The following TRHDE variants were observed in gnomAD, a reference collection of about 807,000 sequenced individuals.
The protein encoded by TRHDE is thyrotropin releasing hormone degrading enzyme.
Under a neutral mutation model 125.7 loss-of-function variants are expected in TRHDE, and 72 were observed. That is an observed-to-expected ratio of 0.57 (90% CI 0.47 to 0.70). The LOEUF is 0.70. TRHDE is among the 30% of genes least tolerant of loss of function. TRHDE has a pLI of 0.00. For synonymous variants in TRHDE, 509 were observed against 509.1 expected, an observed-to-expected ratio of 1.00 and a Z score of 0.00; for missense variants, 1,110 against 1,327.1, an observed-to-expected ratio of 0.84 and a Z score of 2.54.
intron 2 of TRHDE, among the ~76,000 whole-genome samples, chr12:72,304,956 T>C (rs1868318020): frequency 6.6e-6 from 1 of 152,150 alleles, no homozygotes; most frequent in South Asian, 2.1e-4. Context: ...TTGGTCTTAA[T>C]GTCCCACGTG....
At chr12:72,379,729 G>A (rs539182503) in intron 3 of TRHDE, among the ~76,000 whole-genome samples, 60 of 152,280 alleles carry the variant, frequency 3.9e-4, no homozygotes, top group African/African-American at 1.3e-3. Context: ...ATTGAACCAC[G>A]CAGCCTTTCA....
intron 2 of TRHDE, among the ~76,000 whole-genome samples, chr12:72,240,382 T>C (rs1878453570): frequency 6.7e-6 from 1 of 149,734 alleles, no homozygotes. Context: ...TATATGTAAA[T>C]CAAATGACAT....
In TRHDE at chr12:72,142,066, C is replaced by A. The variant is rs375139968; in HGVS notation, n.279+36314C>A. 8.7e-5 allele frequency among the ~76,000 whole-genome samples: 13 copies of A among 149,114 alleles called. No individual in the cohort carries two copies. The South Asian group carries it at 1.1e-3, about 12-fold the overall frequency. On this transcript the variant is annotated intron_variant and non_coding_transcript_variant, in intron 2 of 4. Transcript: ENST00000548156. Reference sequence around the variant, plus strand: ...GGCAAAGTATGATCTTCTGGGTATGCTCCACCAGAAAAAAAAAAAAAAGAA... The same window carrying A: ...GGCAAAGTATGATCTTCTGGGTATGATCCACCAGAAAAAAAAAAAAAAGAA...
chr12:72,110,220 C>T (rs760897012), intron 2 of TRHDE, among the ~76,000 whole-genome samples: 5 of 152,028 alleles, frequency 3.3e-5, no homozygotes, highest in Non-Finnish European at 5.9e-5. Flanking sequence ...TTTTACTAAA[C>T]TTTTGTGTAA....
intron 2 of TRHDE, chr12:72,306,615 A>T (rs111831554): frequency 6.6e-6 from 1 of 152,144 alleles, no homozygotes; most frequent in African/African-American, 2.4e-5. Context: ...CAGTCATGTA[A>T]TGATGTTCTT....
intron 2 of TRHDE, among the ~76,000 whole-genome samples, chr12:72,367,130 A>G (rs1475827648): frequency 6.6e-6 from 1 of 152,090 alleles, no homozygotes; most frequent in East Asian, 1.9e-4. Flanking sequence ...CCTCCTTCTC[A>G]GAATGAGTTC....
At chr12:72,598,737 C>CT (rs901889076) in intron 12 of TRHDE, among the ~76,000 whole-genome samples, 2 of 151,780 alleles carry the variant, frequency 1.3e-5, no homozygotes, top group Admixed American at 6.6e-5. Context: ...TAAATTTCAA[C>CT]TTTTTTTTAG....
chr12:72,160,442 C>T (rs545362978), intron 2 of TRHDE, among the ~76,000 whole-genome samples: 11 of 152,178 alleles, frequency 7.2e-5, no homozygotes, highest in African/African-American at 2.2e-4. Flanking sequence ...CCCAACACTT[C>T]GGGAGGCCAA....
chr12:72,443,765 A>T (rs1490313977), intron 3 of TRHDE, among the ~76,000 whole-genome samples: 1 of 151,804 alleles, frequency 6.6e-6, no homozygotes, highest in Non-Finnish European at 1.5e-5. Context: ...TAGGTAAAGG[A>T]GCTATTCACT....
At chr12:72,433,746 C>CT (rs35623228) in intron 3 of TRHDE, among the ~76,000 whole-genome samples, 32,983 of 145,774 alleles carry the variant, frequency 0.23, 3,940 homozygotes, top group East Asian at 0.49. Flanking sequence ...GACAAATAAA[C>CT]TTTTTTTTTT....
chr12:72,311,613 C>T (rs1322350167), intron 2 of TRHDE, among the ~76,000 whole-genome samples: 10 of 152,108 alleles, frequency 6.6e-5, no homozygotes, highest in Admixed American at 1.3e-4. Context: ...ATAGCTTTAC[C>T]TACTGTCAGG....
At chr12:72,628,615 C>A (rs1873356517) in intron 15 of TRHDE, among the ~76,000 whole-genome samples, 1 of 151,862 alleles carries the variant, frequency 6.6e-6, no homozygotes, top group Non-Finnish European at 1.5e-5. Flanking sequence ...TTTAGAGGAT[C>A]TCTATTCTAA....
chr12:72,523,781 C>A (rs1321735449), intron 6 of TRHDE, among the ~76,000 whole-genome samples: 1 of 152,090 alleles, frequency 6.6e-6, no homozygotes, highest in Non-Finnish European at 1.5e-5. Context: ...AAAACTTGGG[C>A]TGATTCTGCT....
In TRHDE at chr12:72,172,841, A is replaced by G. The variant is rs982931742; in HGVS notation, n.279+67089A>G. 7.2e-5 allele frequency among the ~76,000 whole-genome samples: 11 copies of G among 152,344 alleles called. No individual in the cohort carries two copies. The South Asian group carries it at 1.0e-3, about 14-fold the overall frequency. On this transcript the variant is annotated intron_variant and non_coding_transcript_variant, in intron 2 of 4. Coordinates refer to the TRHDE transcript ENST00000548156. ...AAAGATGCATAGTATAAATTAGCTT[A>G]TTACCAGAACCTGTTTAATGTTGGT...
chr12:72,612,065 T>G (rs1437607773), intron 12 of TRHDE, among the ~76,000 whole-genome samples: 5 of 152,186 alleles, frequency 3.3e-5, no homozygotes, highest in Non-Finnish European at 7.4e-5. Context: ...CTCAGCTAAC[T>G]CCACTGCAGC....
intron 12 of TRHDE, among the ~76,000 whole-genome samples, chr12:72,581,801 C>T (rs1375463526): frequency 1.3e-5 from 2 of 151,624 alleles, no homozygotes; most frequent in Non-Finnish European, 2.9e-5. Context: ...TATGTTTGTC[C>T]CTCTTAGAAG....
chr12:72,279,871 G>A (rs1255448977), intron 1 of TRHDE, among the ~76,000 whole-genome samples: 1 of 152,124 alleles, frequency 6.6e-6, no homozygotes, highest in Non-Finnish European at 1.5e-5. Flanking sequence ...GCAGGATGAA[G>A]TTTTGTTTTA....
intron 2 of TRHDE, among the ~76,000 whole-genome samples, chr12:72,295,299 C>T (rs544530794): frequency 6.6e-6 from 1 of 152,190 alleles, no homozygotes; most frequent in South Asian, 2.1e-4. Flanking sequence ...GTCCCTGGCT[C>T]TCGCGGGCTC....
intron 3 of TRHDE, among the ~76,000 whole-genome samples, chr12:72,401,486 C>T (rs1467041225): frequency 1.3e-5 from 2 of 152,258 alleles, no homozygotes; most frequent in Admixed American, 6.5e-5. Flanking sequence ...AGCAACTGAC[C>T]ATTACATCAA....
Sources: gnomAD v4.1 joint callset for allele counts (sites outside exome capture counted in the v4.1 genomes callset) on GRCh38, gnomAD v4.1.1 for gene constraint, MANE v1.5 for transcripts, NCBI Gene and HGNC (gene_info 2026-07-23, HGNC 2026-07-21) for gene names.